The following DZIP1L variants were observed in gnomAD, a reference collection of about 807,000 sequenced individuals.
DZIP1L encodes the protein cilium assembly protein DZIP1L.
DZIP1L carries 90 observed loss-of-function variants against 88.7 expected under a neutral mutation model. That is an observed-to-expected ratio of 1.02 (90% CI 0.86 to 1.21). The LOEUF is 1.21. DZIP1L is among the 50% of genes most tolerant of loss of function. The probability of loss-of-function intolerance (pLI) is 0.00; values close to 1 mark genes in which losing one functional copy is unlikely to be tolerated. For missense variants in DZIP1L, 932 were observed against 955.8 expected (o/e 0.98, Z 0.33); for synonymous variants, 363 against 372.1 (o/e 0.98, Z 0.28).
rs191691604 is a variant in DZIP1L, at chr3:138,075,438, G to A, written c.1422+2061C>T. On this transcript the variant is annotated intron_variant, in intron 11 of 15. Transcript: ENST00000327532. ...AAGTCTCAGTAAACTTAAGAAAATCGAAATTATATCAAGCACTCTCTCAGA... is the reference window on the plus strand; with the variant it reads ...AAGTCTCAGTAAACTTAAGAAAATCAAAATTATATCAAGCACTCTCTCAGA... Among the ~76,000 whole-genome samples the A allele has an allele frequency of 6.8e-4, 103 of 152,244 alleles. 1 individual carries two copies. The highest frequency in any genetic ancestry group is 2.4e-3 in the African/African-American group (98 of 41,546).
chr3:138,106,616 G>A (rs533317119), intron 1 of DZIP1L, among the ~76,000 whole-genome samples: 3 of 151,596 alleles, frequency 2.0e-5, no homozygotes, highest in Admixed American at 1.3e-4. Flanking sequence ...GGTGGATCAC[G>A]AGGTCAAGAG....
chr3:138,080,509 A>G (rs1367984295), intron 10 of DZIP1L, 58 bp downstream of exon 10: 2 of 1,583,466 alleles, frequency 1.3e-6, no homozygotes, highest in Admixed American at 1.7e-5. Context: ...CTAAACAAGG[A>G]GGAGGGCAGC....
At chr3:138,067,391 T>C in intron 14 of DZIP1L, 140 bp downstream of exon 14, 1 of 1,008,522 alleles carries the variant, frequency 9.9e-7, no homozygotes, top group Non-Finnish European at 1.4e-6. Flanking sequence ...GACCATCCTT[T>C]CCAAGCCAAA....
chr3:138,080,677 GAAGAA>G, intron 9 of DZIP1L, 57 bp from the exon 10 acceptor site: 1 of 1,587,556 alleles, frequency 6.3e-7, no homozygotes, highest in East Asian at 2.3e-5. Context: ...TCCCTGACTA[GAAGAA>G]AAGTACAGAA....
chr3:138,093,668 TTGC>T (rs1468325493), intron 4 of DZIP1L, among the ~76,000 whole-genome samples: 1 of 152,258 alleles, frequency 6.6e-6, no homozygotes, highest in Non-Finnish European at 1.5e-5. Flanking sequence ...ACATTAGCAC[TTGC>T]TGCTTCACAT....
At chr3:138,088,342 C>A in intron 6 of DZIP1L, 37 bp downstream of exon 6, 1 of 1,572,326 alleles carries the variant, frequency 6.4e-7, no homozygotes, top group South Asian at 1.2e-5. Context: ...TGGCTCTTGG[C>A]TTCCTCTGGG....
rs1212886964 is a variant in DZIP1L at position 138,067,086 on chromosome 3, T to G, written c.2002+445A>C. On this transcript the variant is annotated intron_variant, in intron 14 of 15. Coordinates refer to ENST00000327532, the MANE Select transcript of DZIP1L (RefSeq NM_173543.3). ...TGGGGAGGCTGGAGGGGCCCCCACT[T>G]TGGCCTCAAGTGCGGGTTGTTCCTC... Among the ~76,000 whole-genome samples the G allele has an allele frequency of 2.0e-5, 3 of 152,112 alleles. No individual in the cohort carries two copies. The South Asian group carries it at 6.2e-4, about 32-fold the overall frequency.
intron 10 of DZIP1L, 74 bp downstream of exon 10, chr3:138,080,493 G>A: frequency 6.5e-7 from 1 of 1,536,538 alleles, no homozygotes; most frequent in Admixed American, 1.7e-5. Context: ...GTTAAGTAGA[G>A]ACAAACTAAA....
chr3:138,103,936 A>G lies in DZIP1L; in HGVS notation c.36T>C (p.Ser12=), dbSNP rs753084647. Residue 12 remains serine, a synonymous_variant, in exon 2 of 16, where the codon AGT becomes AGC. Coordinates refer to ENST00000327532, the MANE Select transcript of DZIP1L (RefSeq NM_173543.3). ...QSPAATAEGL[S]GPLFGAYTFP... ...ACGTGTAGGCCCCAAAGAGGGGGCC[A>G]CTGAGGCCCTCAGCAGTGGCAGCTG... 4.3e-6 allele frequency: 7 copies of G among 1,613,212 alleles called. No homozygotes were observed. The East Asian group carries it at 8.9e-5, about 21-fold the overall frequency.
chr3:138,091,311 C>A (rs1944210247), intron 5 of DZIP1L, among the ~76,000 whole-genome samples: 1 of 151,786 alleles, frequency 6.6e-6, no homozygotes, highest in Non-Finnish European at 1.5e-5. Flanking sequence ...GCCTCAATTT[C>A]TTTACCTATA....
intron 11 of DZIP1L, among the ~76,000 whole-genome samples, chr3:138,076,068 G>A (rs1943393962): frequency 6.6e-6 from 1 of 152,204 alleles, no homozygotes; most frequent in African/African-American, 2.4e-5. Flanking sequence ...ACGAGTGGCT[G>A]AGGAGTGGGC....
chr3:138,063,649 C>T lies in DZIP1L; in HGVS notation c.2143-672G>A, dbSNP rs939935393. Among the ~76,000 whole-genome samples the T allele has an allele frequency of 8.5e-5, 13 of 152,224 alleles. No individual in the cohort carries two copies. Among genetic ancestry groups the T allele is most frequent in the Admixed American group, 7.9e-4 (12 of 15,280 alleles). On this transcript the variant is annotated intron_variant, in intron 15 of 15. Coordinates refer to ENST00000327532, the MANE Select transcript of DZIP1L (RefSeq NM_173543.3). This position sits in a 1 kb window ranked among gnomAD's most constrained non-coding sequence, Gnocchi z 4.1. ...TGCATCTTCTCCAGGAATGTAAGACCGACCAATCAGAACCCATGCAGGGTG... is the reference window on the plus strand; with the variant it reads ...TGCATCTTCTCCAGGAATGTAAGACTGACCAATCAGAACCCATGCAGGGTG...
intron 1 of DZIP1L, among the ~76,000 whole-genome samples, chr3:138,113,993 C>G (rs892044319): frequency 2.7e-5 from 4 of 148,428 alleles, no homozygotes; most frequent in Admixed American, 1.3e-4. Context: ...ACTGACATGT[C>G]CTATCTTCCC....
intron 11 of DZIP1L, among the ~76,000 whole-genome samples, chr3:138,074,596 T>C (rs1162002803): frequency 6.6e-6 from 1 of 152,166 alleles, no homozygotes; most frequent in Non-Finnish European, 1.5e-5. Flanking sequence ...TTTTTTATTA[T>C]ACTTTAAGTT....
Position 138,068,313 on chromosome 3 carries a change from G to A in DZIP1L, c.1670C>T (p.Thr557Ile). 3 of 1,592,864 alleles carry A rather than the reference G, an allele frequency of 1.9e-6. No individual in the cohort carries two copies. Among genetic ancestry groups the A allele is most frequent in the Non-Finnish European group, 2.6e-6 (3 of 1,168,452 alleles). ...TGTGGATGGCAAGGCCACCTGCAGG[G>A]TCCTGGTCTTTGGCTGGGCCTCTCT... ...VTREAQPKTR[T>I]LQVALPSTPA... The change falls in exon 13 of 16, where the codon ACC becomes ATC. Residue 557 changes from threonine to isoleucine, a missense_variant. Coordinates refer to ENST00000327532, the MANE Select transcript of DZIP1L (RefSeq NM_173543.3).
chr3:138,089,366 C>G, intron 5 of DZIP1L: 1 of 690,476 alleles, frequency 1.4e-6, no homozygotes, highest in South Asian at 6.5e-5. Flanking sequence ...TATGACACAC[C>G]ACAGAGCTGA....
chr3:138,083,818 C>T (rs1228486115), intron 8 of DZIP1L, among the ~76,000 whole-genome samples: 1 of 152,180 alleles, frequency 6.6e-6, no homozygotes, highest in African/African-American at 2.4e-5. Flanking sequence ...AGTAGTGAGG[C>T]TTAAATGAGG....
At chr3:138,106,101 C>A (rs984860413) in intron 1 of DZIP1L, among the ~76,000 whole-genome samples, 1 of 134,818 alleles carries the variant, frequency 7.4e-6, no homozygotes, top group African/African-American at 2.7e-5. Context: ...TCAAGTCTTT[C>A]GAGATTACAT....
At chr3:138,074,732 G>GAA (rs36115917) in intron 11 of DZIP1L, among the ~76,000 whole-genome samples, 1 of 140,688 alleles carries the variant, frequency 7.1e-6, no homozygotes, top group African/African-American at 2.7e-5. Context: ...AATAATACAC[G>GAA]AAAAAAAAAA....
Sources: gnomAD v4.1 joint callset for allele counts (sites outside exome capture counted in the v4.1 genomes callset) on GRCh38, gnomAD v4.1.1 for gene constraint, Gnocchi (gnomAD v3.1) non-coding constraint, MANE v1.5 for transcripts, NCBI Gene and HGNC (gene_info 2026-07-23, HGNC 2026-07-21) for gene names.